TRPM3: variants seen among roughly 807,000 people sequenced by gnomAD.
The protein encoded by TRPM3 is transient receptor potential cation channel subfamily M member 3.
Under a neutral mutation model 181.2 loss-of-function variants are expected in TRPM3, and 77 were observed. That is an observed-to-expected ratio of 0.42 (90% CI 0.35 to 0.51). The LOEUF (loss-of-function observed/expected upper bound fraction) is 0.51, where lower values mean the gene tolerates loss of function less well. TRPM3 is among the 20% of genes least tolerant of loss of function. The pLI is 0.01. For synonymous variants in TRPM3, 745 were observed against 796.4 expected, an observed-to-expected ratio of 0.94 and a Z score of 1.09; for missense variants, 1,759 against 2,196.7, an observed-to-expected ratio of 0.80 and a Z score of 3.98.
intron 5 of TRPM3, among the ~76,000 whole-genome samples, chr9:70,828,715 T>TG (rs1554728577): frequency 2.0e-4 from 29 of 143,290 alleles, no homozygotes; most frequent in Middle Eastern, 3.7e-3. Context: ...TTTTTTTTTT[T>TG]TATAAAAAGA....
intron 1 of TRPM3, among the ~76,000 whole-genome samples, chr9:71,207,673 C>T (rs2079208798): frequency 6.6e-6 from 1 of 152,112 alleles, no homozygotes; most frequent in African/African-American, 2.4e-5. Flanking sequence ...AATGTAATTA[C>T]AGAAACTCTT....
intron 1 of TRPM3, among the ~76,000 whole-genome samples, chr9:71,030,781 A>G (rs1166963027): frequency 6.6e-6 from 1 of 152,184 alleles, no homozygotes; most frequent in Non-Finnish European, 1.5e-5. Flanking sequence ...GGATTTAGTC[A>G]ATGATATTTG....
intron 1 of TRPM3, among the ~76,000 whole-genome samples, chr9:70,993,750 A>T (rs1305196485): frequency 7.0e-6 from 1 of 141,882 alleles, no homozygotes; most frequent in Non-Finnish European, 1.5e-5. Context: ...GCGCGACTGC[A>T]CTCTGGCCTG....
intron 1 of TRPM3, among the ~76,000 whole-genome samples, chr9:71,193,502 T>C: frequency 6.6e-6 from 1 of 151,960 alleles, no homozygotes; most frequent in Admixed American, 6.6e-5. Flanking sequence ...CCTCCTAAAA[T>C]ATCTATTTTC....
chr9:70,640,002 A>C (rs2057810237), intron 10 of TRPM3, among the ~76,000 whole-genome samples: 1 of 152,168 alleles, frequency 6.6e-6, no homozygotes, highest in African/African-American at 2.4e-5. Flanking sequence ...CCTGATGGCC[A>C]ATCTCTCAAA....
Position 70,584,119 on chromosome 9 carries a change from A to G in TRPM3, c.3223+6912T>C, listed in dbSNP as rs565713111. On this transcript the variant is annotated intron_variant, in intron 22 of 25. Coordinates refer to ENST00000677713, the MANE Select transcript of TRPM3 (RefSeq NM_001366145.2). Reference sequence around the variant, plus strand: ...CAGTGGCGCAATAATGTGTCACTGGAGTTTTGAACTCCTGATCTGAAATGA... The same window carrying G: ...CAGTGGCGCAATAATGTGTCACTGGGGTTTTGAACTCCTGATCTGAAATGA... Among the ~76,000 whole-genome samples the G allele has an allele frequency of 3.3e-5, 5 of 151,890 alleles. No individual in the cohort carries two copies. In the East Asian group the frequency reaches 9.7e-4, roughly 30 times the overall value.
intron 9 of TRPM3, among the ~76,000 whole-genome samples, chr9:70,666,211 A>C (rs1312610474): frequency 6.6e-6 from 1 of 152,244 alleles, no homozygotes. Flanking sequence ...AGTTCCAGGC[A>C]GAAGCCTTAG....
intron 1 of TRPM3, among the ~76,000 whole-genome samples, chr9:71,009,810 A>G (rs1329651656): frequency 6.6e-6 from 1 of 152,216 alleles, no homozygotes; most frequent in Non-Finnish European, 1.5e-5. Context: ...GAGGCATCAT[A>G]TTACCTTTCT....
intron 1 of TRPM3, among the ~76,000 whole-genome samples, chr9:70,886,005 A>G (rs898855943): frequency 6.6e-6 from 1 of 152,224 alleles, no homozygotes; most frequent in African/African-American, 2.4e-5. Flanking sequence ...CTGACTCACC[A>G]AGAATAATGA....
At chr9:71,151,098 G>A (rs1293114055) in intron 1 of TRPM3, among the ~76,000 whole-genome samples, 4 of 152,282 alleles carry the variant, frequency 2.6e-5, no homozygotes, top group African/African-American at 7.2e-5. Flanking sequence ...ATAGGAGTGT[G>A]TGTGTGCGCG....
In TRPM3 at chr9:71,344,322, A is replaced by C. The variant is rs1236571593; in HGVS notation, c.183+102331T>G. 2.6e-5 allele frequency among the ~76,000 whole-genome samples: 4 copies of C among 151,940 alleles called. No individual in the cohort carries two copies. The East Asian group carries it at 7.7e-4, about 29-fold the overall frequency. On this transcript the variant is annotated intron_variant, in intron 1 of 24. Coordinates refer to the TRPM3 transcript ENST00000357533. ...AAAAATTAGCTAGGTATCGTAGCGC[A>C]TGCCTGTAATCCCAGCTACTCGGGA...
chr9:71,168,584 T>A (rs1256280767), intron 1 of TRPM3, among the ~76,000 whole-genome samples: 1 of 78,354 alleles, frequency 1.3e-5, no homozygotes, highest in Non-Finnish European at 2.4e-5. Flanking sequence ...TTTTGTTTTT[T>A]ATTTTTTTAT....
chr9:70,798,834 C>T (rs1375279512), intron 6 of TRPM3, among the ~76,000 whole-genome samples: 1 of 152,128 alleles, frequency 6.6e-6, no homozygotes, highest in African/African-American at 2.4e-5. Context: ...TTCATGGTGT[C>T]CTTTTACAGG....
At chr9:70,821,056 A>G (rs1460834935) in intron 6 of TRPM3, among the ~76,000 whole-genome samples, 1 of 152,206 alleles carries the variant, frequency 6.6e-6, no homozygotes, top group Admixed American at 6.5e-5. Context: ...ACCAGAAAAG[A>G]TGACTGTTAA....
chr9:70,925,936 T>C (rs866414763), intron 1 of TRPM3, among the ~76,000 whole-genome samples: 67 of 151,530 alleles, frequency 4.4e-4, no homozygotes, highest in African/African-American at 1.6e-3. Context: ...TGAGGACTGA[T>C]TCAGTAAGGT....
intron 1 of TRPM3, among the ~76,000 whole-genome samples, chr9:71,094,779 T>C (rs1475050842): frequency 6.6e-6 from 1 of 152,086 alleles, no homozygotes; most frequent in Non-Finnish European, 1.5e-5. Flanking sequence ...ATTATAAGGG[T>C]AGGTACTAAA....
At chr9:71,412,252 T>C (rs1409023112) in intron 1 of TRPM3, among the ~76,000 whole-genome samples, 1 of 151,928 alleles carries the variant, frequency 6.6e-6, no homozygotes, top group Non-Finnish European at 1.5e-5. Flanking sequence ...ACAAATGGGA[T>C]CTAATTAAAC....
At chr9:70,972,860 G>A (rs2097261038) in intron 1 of TRPM3, among the ~76,000 whole-genome samples, 2 of 152,044 alleles carry the variant, frequency 1.3e-5, no homozygotes, top group Admixed American at 1.3e-4. Flanking sequence ...GGGGATGTTG[G>A]TATATCTAAA....
chr9:71,258,596 C>T (rs1182286703), intron 1 of TRPM3, among the ~76,000 whole-genome samples: 1 of 152,152 alleles, frequency 6.6e-6, no homozygotes, highest in Non-Finnish European at 1.5e-5. Context: ...TAAAGTAACA[C>T]TTATTTTTCA....
Sources: allele counts gnomAD v4.1 joint callset (sites outside exome capture counted in the v4.1 genomes callset), GRCh38; gene constraint gnomAD v4.1.1; transcripts MANE v1.5; gene names NCBI Gene and HGNC (gene_info 2026-07-23, HGNC 2026-07-21).